Variants in PTPRT observed in about 807,000 individuals in gnomAD.
The protein encoded by PTPRT is receptor-type tyrosine-protein phosphatase T.
In PTPRT, 56 loss-of-function variants were observed where a neutral mutation model predicts 176.8. That is an observed-to-expected ratio of 0.32 (90% confidence interval 0.26 to 0.40). The LOEUF is 0.40. PTPRT is among the 10% of genes least tolerant of loss of function. The pLI is 1.00. For missense variants in PTPRT, 1,540 were observed against 1,908.2 expected, an observed-to-expected ratio of 0.81 and a Z score of 3.60; for synonymous variants, 783 against 739.0, an observed-to-expected ratio of 1.06 and a Z score of -0.96.
intron 7 of PTPRT, among the ~76,000 whole-genome samples, chr20:42,545,793 G>A (rs1272942346): frequency 6.6e-6 from 1 of 152,104 alleles, no homozygotes. Flanking sequence ...TAGGCTGTTA[G>A]GCCATCTTCA....
chr20:42,410,443 T>C (rs2059003394), intron 9 of PTPRT, among the ~76,000 whole-genome samples: 1 of 151,064 alleles, frequency 6.6e-6, no homozygotes, highest in Non-Finnish European at 1.5e-5. Flanking sequence ...AAAACAAAAC[T>C]GAGAACTGGA....
chr20:42,541,731 T>C (rs2072584988), intron 7 of PTPRT, among the ~76,000 whole-genome samples: 1 of 151,720 alleles, frequency 6.6e-6, no homozygotes, highest in African/African-American at 2.4e-5. Flanking sequence ...ACTATTTATT[T>C]ATACACTTGG....
intron 2 of PTPRT, among the ~76,000 whole-genome samples, chr20:42,792,513 A>G (rs1377694764): frequency 1.3e-5 from 2 of 152,192 alleles, no homozygotes; most frequent in African/African-American, 4.8e-5. Context: ...GAGCCTAGAC[A>G]AATTAAAGAG....
intron 7 of PTPRT, among the ~76,000 whole-genome samples, chr20:42,631,520 A>T (rs1263966566): frequency 1.3e-5 from 2 of 152,184 alleles, no homozygotes; most frequent in Admixed American, 6.5e-5. Flanking sequence ...GAATAGGGGA[A>T]GTTAGCAGGA....
intron 26 of PTPRT, among the ~76,000 whole-genome samples, chr20:42,099,561 TGGGG>T (rs1568928310): frequency 1.1e-4 from 2 of 17,538 alleles, no homozygotes; most frequent in African/African-American, 2.4e-4. Flanking sequence ...GGGGGGGGGG[TGGGG>T]TGGTCTGGCA....
At chr20:42,212,152 T>TG (rs1443360963) in intron 15 of PTPRT, among the ~76,000 whole-genome samples, 1 of 51,876 alleles carries the variant, frequency 1.9e-5, no homozygotes, top group African/African-American at 8.1e-5. Context: ...TGTTGTGGGG[T>TG]GGGGGGAGGG....
chr20:42,549,837 G>A (rs147971644), intron 7 of PTPRT, among the ~76,000 whole-genome samples: 170 of 152,066 alleles, frequency 1.1e-3, no homozygotes, highest in Non-Finnish European at 2.1e-3. Flanking sequence ...CACTACTGTG[G>A]AAAATCGTGG....
chr20:42,336,574 G>C (rs760995986), intron 11 of PTPRT, among the ~76,000 whole-genome samples: 1 of 152,194 alleles, frequency 6.6e-6, no homozygotes, highest in Non-Finnish European at 1.5e-5. Context: ...TGGCATATTA[G>C]AGAAGGCACT....
At chr20:43,102,105 C>T (rs1681607312) in intron 1 of PTPRT, among the ~76,000 whole-genome samples, 1 of 152,116 alleles carries the variant, frequency 6.6e-6, no homozygotes, top group South Asian at 2.1e-4. Flanking sequence ...GGCACTAATC[C>T]ATTCATGGGG....
rs570892988 is a variant in PTPRT, at chr20:42,937,944, T to G, written c.89-52012A>C. Reference sequence around the variant, plus strand: ...ATGCTAAGTCACTTCAAGATTACCTTTAAGTAACTAGTGTTAAAAGATAAT... The same window carrying G: ...ATGCTAAGTCACTTCAAGATTACCTGTAAGTAACTAGTGTTAAAAGATAAT... On this transcript the variant is annotated intron_variant, in intron 1 of 30. Transcript: ENST00000373187. Among the ~76,000 whole-genome samples the G allele has an allele frequency of 3.3e-5, 5 of 152,288 alleles. No individual in the cohort carries two copies. The East Asian group carries it at 9.6e-4, about 29-fold the overall frequency.
chr20:42,102,193 G>A lies in PTPRT; in HGVS notation c.3645C>T (p.Asp1215=), dbSNP rs200278382. Residue 1215 remains aspartate, a synonymous_variant, in exon 26 of 31, where the codon GAC becomes GAT. Transcript: ENST00000373187. ...KNRSMDVLPL[D]RCLPFLISVD... ...CTGAGATAAGGAAGGGCAGGCAGCGGTCCAGAGGCAGCACGTCCATACTTC... is the reference window on the plus strand; with the variant it reads ...CTGAGATAAGGAAGGGCAGGCAGCGATCCAGAGGCAGCACGTCCATACTTC... 1.2e-5 allele frequency: 20 copies of A among 1,614,208 alleles called. No homozygotes were observed. Among genetic ancestry groups the A allele is most frequent in the Admixed American group, 6.7e-5 (4 of 60,028 alleles).
chr20:42,716,896 T>C (rs2076232280), intron 6 of PTPRT, among the ~76,000 whole-genome samples: 1 of 152,012 alleles, frequency 6.6e-6, no homozygotes, highest in Non-Finnish European at 1.5e-5. Context: ...GGGACATGGA[T>C]GAAGCAGGAA....
In PTPRT at chr20:43,019,551, G is replaced by A. The variant is rs567736800; in HGVS notation, c.89-133619C>T. On this transcript the variant is annotated intron_variant, in intron 1 of 30. Coordinates refer to ENST00000373187, the MANE Select transcript of PTPRT (RefSeq NM_007050.6). The stretch of plus-strand genomic sequence containing the variant: ...GGAGATTCACTTGAACCTGGGAGGC[G>A]GAGATTGCAGTGAGCTGAGATCACA... Among the ~76,000 whole-genome samples the A allele has an allele frequency of 9.3e-5, 14 of 150,910 alleles. No homozygotes were observed. In the East Asian group the frequency reaches 1.8e-3, roughly 19 times the overall value.
chr20:43,059,040 G>A (rs1987351801), intron 1 of PTPRT, among the ~76,000 whole-genome samples: 2 of 152,174 alleles, frequency 1.3e-5, no homozygotes, highest in Admixed American at 6.5e-5. Flanking sequence ...CTCTTCCTTT[G>A]AAACCAGTCT....
rs979470605 is a variant in PTPRT, at chr20:42,410,037, G to GA, written c.1560+38182dup. Among the ~76,000 whole-genome samples the GA allele has an allele frequency of 5.3e-5, 8 of 152,100 alleles. No individual in the cohort carries two copies. The East Asian group carries it at 1.5e-3, about 29-fold the overall frequency. On this transcript the variant is annotated intron_variant, in intron 9 of 30. Coordinates refer to ENST00000373187, the MANE Select transcript of PTPRT (RefSeq NM_007050.6). ...GAAGTCAAAATCTCGGTTTGTTCCAGAAATTTTGAAAAACAACGGTAACTA... is the reference window on the plus strand; with the variant it reads ...GAAGTCAAAATCTCGGTTTGTTCCAGAAAATTTTGAAAAACAACGGTAACTA...
intron 7 of PTPRT, among the ~76,000 whole-genome samples, chr20:42,674,544 C>G (rs1415589823): frequency 6.6e-6 from 1 of 152,206 alleles, no homozygotes; most frequent in South Asian, 2.1e-4. Context: ...GAAACTCTTA[C>G]ATTTACCCTG....
At chr20:42,212,646 C>T (rs1166134616) in intron 15 of PTPRT, among the ~76,000 whole-genome samples, 2 of 152,094 alleles carry the variant, frequency 1.3e-5, no homozygotes, top group Non-Finnish European at 2.9e-5. Flanking sequence ...TTTCCTCCTG[C>T]CTGTAAAACA....
In PTPRT at chr20:42,098,458, G is replaced by A; in HGVS notation, c.3809C>T (p.Ser1270Phe). The A allele has an allele frequency of 1.2e-6, 2 of 1,614,186 alleles. No individual in the cohort carries two copies. The highest frequency in any genetic ancestry group is 1.7e-6 in the Non-Finnish European group (2 of 1,180,022). The stretch of plus-strand genomic sequence containing the variant: ...CATCTCATTCAGCATCACCACAGAG[G>A]AGCAGTTGTAATCGAACACCAGCCT... ...FWRLVFDYNCSSVVMLNEMDT... is the reference protein window; with the variant it reads ...FWRLVFDYNCFSVVMLNEMDT... The change falls in exon 27 of 31, where the codon TCC (serine) becomes TTC (phenylalanine). Residue 1270 changes from serine to phenylalanine, a missense_variant. Around this residue, in one of 11 missense-constraint regions of PTPRT, gnomAD observed 342 missense variants for 394.0 expected, o/e 0.87. Coordinates refer to ENST00000373187, the MANE Select transcript of PTPRT (RefSeq NM_007050.6).
At chr20:42,375,151 T>C (rs2058635965) in intron 9 of PTPRT, among the ~76,000 whole-genome samples, 1 of 152,216 alleles carries the variant, frequency 6.6e-6, no homozygotes, top group Non-Finnish European at 1.5e-5. Context: ...GGGGTGTGTG[T>C]GTCGGGGGGA....
Sources: gnomAD v4.1 joint callset for allele counts (sites outside exome capture counted in the v4.1 genomes callset) on GRCh38, gnomAD v4.1.1 for gene constraint, gnomAD v4.1.1 regional missense constraint, MANE v1.5 for transcripts, NCBI Gene and HGNC (gene_info 2026-07-23, HGNC 2026-07-21) for gene names.